The following RABL6 variants were observed in gnomAD, a reference collection of about 807,000 sequenced individuals.
RABL6 encodes the protein RAB, member RAS oncogene family like 6.
RABL6 carries 28 observed loss-of-function variants against 72.9 expected under a neutral mutation model. The observed-to-expected ratio is 0.38, with a 90% CI of 0.28 to 0.53. The LOEUF is 0.53. RABL6 is among the 20% of genes least tolerant of loss of function. The pLI is 0.80. For synonymous variants in RABL6, 477 were observed against 421.2 expected (o/e 1.13, Z -1.62); for missense variants, 1,029 against 1,008.4 (o/e 1.02, Z -0.28).
intron 1 of RABL6, among the ~76,000 whole-genome samples, chr9:136,818,742 C>CAA (rs59890458): frequency 9.9e-5 from 13 of 131,392 alleles, no homozygotes; most frequent in African/African-American, 3.3e-4. Flanking sequence ...GAGACTTAAT[C>CAA]AAAAAAAAAA....
intron 1 of RABL6, chr9:136,815,357 G>C: frequency 3.6e-6 from 1 of 276,776 alleles, no homozygotes; most frequent in Non-Finnish European, 7.3e-6. Flanking sequence ...TCACCTTCTT[G>C]GCTGGGGTTG....
At position 136,839,884 on chromosome 9, in the gene RABL6, G is replaced by A. The variant is rs765971142; in HGVS notation, c.1930+19G>A. ...GAGGAAGGTGGGTGGGGGCACCAGA[G>A]TGCGGTCAGCCTGCTGGAGTTTGGG... On this transcript the variant is annotated intron_variant, in intron 13 of 14. Coordinates refer to ENST00000311502, the MANE Select transcript of RABL6 (RefSeq NM_024718.5). 3 of 1,606,820 alleles carry A rather than the reference G, an allele frequency of 1.9e-6. No homozygotes were observed. Among genetic ancestry groups the A allele is most frequent in the East Asian group, 4.5e-5 (2 of 44,658 alleles).
intron 13 of RABL6, 63 bp downstream of exon 13, chr9:136,839,928 C>T: frequency 6.4e-7 from 1 of 1,560,066 alleles, no homozygotes; most frequent in Non-Finnish European, 8.7e-7. Flanking sequence ...GGGCCTCCTC[C>T]CAGCTGCTGG....
intron 1 of RABL6, chr9:136,814,977 TC>T: frequency 5.9e-6 from 1 of 170,154 alleles, no homozygotes; most frequent in Non-Finnish European, 1.3e-5. Flanking sequence ...CTCTTGGCTT[TC>T]CCAGGAACAG....
chr9:136,839,269 G>A lies in RABL6; in HGVS notation c.1541G>A (p.Arg514Lys), dbSNP rs376189168. Residue 514 changes from arginine to lysine, a missense_variant, in exon 12 of 15, where the codon AGG becomes AAG. By Grantham distance (26) the Arg-to-Lys change is conservative. Around this residue, in one of 2 missense-constraint regions of RABL6, gnomAD observed 595 missense variants for 472.4 expected, o/e 1.26. Transcript: ENST00000311502. ...SKPRRGTAPT[R>K]TAAPPWPGGV... ...CCACGGAGGGGGACAGCTCCCACGA[G>A]GACCGCAGCACCCCCCTGGCCAGGC... is the stretch of plus-strand genomic sequence containing the variant. The A allele has an allele frequency of 3.4e-5, 54 of 1,607,856 alleles. No individual in the cohort carries two copies. Among genetic ancestry groups the A allele is most frequent in the Non-Finnish European group, 4.4e-5 (52 of 1,177,758 alleles).
chr9:136,840,666 T>G lies in RABL6; in HGVS notation c.*144T>G, dbSNP rs772472560. 511 of 1,549,148 alleles carry G rather than the reference T, an allele frequency of 3.3e-4. No individual in the cohort carries two copies. Among genetic ancestry groups the G allele is most frequent in the Non-Finnish European group, 4.3e-4 (490 of 1,146,824 alleles). Reference sequence around the variant, plus strand: ...GCTGGAAGAGGCCGGGCATTGGTGGTCCCCAGGCTGGGCCCTGCAGGTGCT... The same window carrying G: ...GCTGGAAGAGGCCGGGCATTGGTGGGCCCCAGGCTGGGCCCTGCAGGTGCT... On this transcript the variant is annotated 3_prime_UTR_variant, in exon 15 of 15. Coordinates refer to ENST00000311502, the MANE Select transcript of RABL6 (RefSeq NM_024718.5).
chr9:136,826,038 A>G lies in RABL6; in HGVS notation c.313+212A>G, dbSNP rs1848349031. 6.6e-6 allele frequency among the ~76,000 whole-genome samples: 1 copy of G among 152,134 alleles called. No homozygotes were observed. The highest frequency in any genetic ancestry group is 1.5e-5 in the Non-Finnish European group (1 of 68,010). ...GCACTGCATGCTTTGCTGCTTTAGC[A>G]TACTCCCCGTCTCTGAGTGACCGCG... On this transcript the variant is annotated intron_variant, in intron 3 of 14. Transcript: ENST00000311502. The surrounding 1 kb of genome is among the most constrained non-coding windows in gnomAD (Gnocchi z 4.9).
At chr9:136,835,449 G>A (rs1006194771) in intron 7 of RABL6, 43 of 343,990 alleles carry the variant, frequency 1.3e-4, no homozygotes, top group Middle Eastern at 7.9e-4. Context: ...TTAGAGGTGC[G>A]TGTGTGGGTG....
rs772746996 is a variant in RABL6, at chr9:136,829,529, C to G, written c.458+45C>G. The G allele has an allele frequency of 2.2e-5, 33 of 1,513,330 alleles. No homozygotes were observed. In the South Asian group the frequency reaches 3.5e-4, roughly 16 times the overall value. 93.7% of individuals were successfully genotyped at this position (1,513,330 alleles called of 1,614,324 possible). A position where few individuals can be genotyped will look rare whatever the true frequency, so the allele number is the denominator to read the frequency against. On this transcript the variant is annotated intron_variant, in intron 5 of 14. Coordinates refer to ENST00000311502, the MANE Select transcript of RABL6 (RefSeq NM_024718.5). ...GGCAGCTGCCTGTGACTCTCACCCC[C>G]CTAGCCCCTTGGGCGCCCTCTTTGT...
chr9:136,830,601 C>T (rs1456501961), intron 5 of RABL6, among the ~76,000 whole-genome samples: 1 of 152,258 alleles, frequency 6.6e-6, no homozygotes, highest in Non-Finnish European at 1.5e-5. Context: ...AGCAGGCCAG[C>T]CTGGTGGGTG....
At position 136,826,618 on chromosome 9, in the gene RABL6, C is replaced by CTT. The variant is rs1285260431; in HGVS notation, c.313+792_313+793insTT. On this transcript the variant is annotated intron_variant, in intron 3 of 14. Transcript: ENST00000311502. The surrounding 1 kb of genome is among the most constrained non-coding windows in gnomAD (Gnocchi z 4.9). ...TGCAGTTCCCGCAGGGGTGCTGGGC[C>CTT]CCTGCGGCTCCCACCACATTGCGCT... is the stretch of plus-strand genomic sequence containing the variant. 1.3e-5 allele frequency: 2 copies of CTT among 152,100 alleles called. No individual in the cohort carries two copies. Among genetic ancestry groups the CTT allele is most frequent in the Non-Finnish European group, 2.9e-5 (2 of 68,102 alleles). The allele number at this position is 152,100 out of a possible 1,614,324, so 9.4% of individuals were successfully genotyped here.
chr9:136,823,934 G>A (rs1848296748), intron 2 of RABL6, among the ~76,000 whole-genome samples: 1 of 152,256 alleles, frequency 6.6e-6, no homozygotes, highest in African/African-American at 2.4e-5. Flanking sequence ...CGCCTCGGGG[G>A]CTGAAAAGAG....
rs1424450982 is a variant in RABL6 at position 136,819,158 on chromosome 9, T to C, written c.131-4367T>C. ...TAACATGGTGAAACCCCGTCTCTAA[T>C]AAAAATACAAAAAATTAGCCGGGCG... is the stretch of plus-strand genomic sequence containing the variant. On this transcript the variant is annotated intron_variant, in intron 1 of 14. Transcript: ENST00000311502. Among the ~76,000 whole-genome samples the C allele has an allele frequency of 2.6e-5, 4 of 151,362 alleles. No individual in the cohort carries two copies. The East Asian group carries it at 7.8e-4, about 29-fold the overall frequency.
In RABL6 at chr9:136,840,894, C is replaced by T. The variant is rs542159346; in HGVS notation, c.*372C>T. 7.2e-5 allele frequency: 109 copies of T among 1,508,354 alleles called. No individual in the cohort carries two copies. Among genetic ancestry groups the T allele is most frequent in the African/African-American group, 7.1e-4 (51 of 71,720 alleles). 93.4% of individuals were successfully genotyped at this position (1,508,354 alleles called of 1,614,324 possible). A position where few individuals can be genotyped will look rare whatever the true frequency, so the allele number is the denominator to read the frequency against. On this transcript the variant is annotated 3_prime_UTR_variant, in exon 15 of 15. Transcript: ENST00000311502. ...CTTGGCTGTGGGGTGTGCGCTGCCC[C>T]GGCACCTGCTTGCCCTCCGCGCTCA...
At chr9:136,822,110 C>A in intron 1 of RABL6, 1 of 1,283,364 alleles carries the variant, frequency 7.8e-7, no homozygotes, top group South Asian at 1.2e-5. Flanking sequence ...CCGGGTGGGG[C>A]ACAGGGACAG....
In RABL6 at chr9:136,835,769, A is replaced by T; in HGVS notation, c.733A>T (p.Thr245Ser). 6.4e-7 allele frequency: 1 copy of T among 1,550,586 alleles called. No homozygotes were observed. The highest frequency in any genetic ancestry group is 1.2e-5 in the South Asian group (1 of 84,072). The change falls in exon 8 of 15, where the codon ACG becomes TCG. Residue 245 changes from threonine (T) to serine (S), a missense_variant. Physicochemically the swap from Thr to Ser is moderately conservative, Grantham distance 58. Coordinates refer to ENST00000311502, the MANE Select transcript of RABL6 (RefSeq NM_024718.5). ...GGAGACGCTGTTGCGGCAGCTGGAG[A>T]CGAACCAGCTGGACATGGACGCCAC... ...QRETLLRQLE[T>S]NQLDMDATLE...
rs199908520 is a variant in RABL6, at chr9:136,839,398, C to T, written c.1670C>T (p.Pro557Leu). 2.4e-4 allele frequency: 386 copies of T among 1,612,326 alleles called. 1 individual carries two copies. The highest frequency in any genetic ancestry group is 8.5e-4 in the Admixed American group (51 of 59,932). The change falls in exon 12 of 15, where the codon CCC becomes CTC. Residue 557 changes from proline (P) to leucine (L), a missense_variant. Physicochemically the swap from Pro to Leu is moderately conservative, Grantham distance 98 (BLOSUM62 -3). Transcript: ENST00000311502. ...GEQASSSESD[P>L]EGPIAAQMLS... Reference sequence around the variant, plus strand: ...CAGGCCTCCTCGTCGGAGAGTGACCCCGAGGGACCCATTGCTGCACAAATG... The same window carrying T: ...CAGGCCTCCTCGTCGGAGAGTGACCTCGAGGGACCCATTGCTGCACAAATG...
chr9:136,832,957 G>T (rs927521649), intron 7 of RABL6: 3 of 343,250 alleles, frequency 8.7e-6, no homozygotes, highest in Non-Finnish European at 1.7e-5. Context: ...GCCCTGGGCT[G>T]CCCTGATTGG....
At chr9:136,813,103 A>G (rs368131267) in intron 1 of RABL6, 1 of 391,116 alleles carries the variant, frequency 2.6e-6, no homozygotes, top group Non-Finnish European at 4.9e-6. Flanking sequence ...AAGCTGTCGA[A>G]TGACTAAAGC....
Sources: allele counts gnomAD v4.1 joint callset (sites outside exome capture counted in the v4.1 genomes callset), GRCh38; gene constraint gnomAD v4.1.1; regional missense constraint gnomAD v4.1.1; non-coding constraint Gnocchi (gnomAD v3.1); transcripts MANE v1.5; gene names NCBI Gene and HGNC (gene_info 2026-07-23, HGNC 2026-07-21).